The following FHL2 variants were observed in gnomAD, a reference collection of about 807,000 sequenced individuals.
The protein encoded by FHL2 is four and a half LIM domains protein 2.
In FHL2, 20 loss-of-function variants were observed where a neutral mutation model predicts 32.7. That is an observed-to-expected ratio of 0.61 (90% confidence interval 0.43 to 0.89). The LOEUF is 0.89. Among genes scored for constraint, FHL2 ranks in the 40% least tolerant of loss-of-function variants. FHL2 has a pLI of 0.00. For missense variants in FHL2, 311 were observed against 358.6 expected, an observed-to-expected ratio of 0.87 and a Z score of 1.07; for synonymous variants, 123 against 128.1, an observed-to-expected ratio of 0.96 and a Z score of 0.27.
In FHL2 at chr2:105,367,661, C is replaced by T; in HGVS notation, c.410G>A (p.Gly137Glu). The T allele has an allele frequency of 6.2e-7, 1 of 1,614,168 alleles. No homozygotes were observed. The highest frequency in any genetic ancestry group is 8.5e-7 in the Non-Finnish European group (1 of 1,180,038). Residue 137 changes from glycine to glutamate, a missense_variant, in exon 5 of 7, where the codon GGA becomes GAA. Gly to Glu is a moderately conservative substitution (Grantham distance 98). Transcript: ENST00000530340. ...GTCTTTGGGGATGAAACTCTTGGTT[C>T]CAATTGGCTGCTGGCAGCGGTGGCA... ...FICHRCQQPI[G>E]TKSFIPKDNQ... is the part of the protein sequence containing the mutation.
intron 1 of FHL2, among the ~76,000 whole-genome samples, chr2:105,397,885 T>G (rs1215302715): frequency 2.9e-5 from 2 of 68,500 alleles, no homozygotes; most frequent in Admixed American, 1.6e-4. Flanking sequence ...TTTTTTGTTT[T>G]TTGTTTTTTT....
chr2:105,393,247 C>T (rs1682863871), intron 2 of FHL2, among the ~76,000 whole-genome samples: 2 of 152,158 alleles, frequency 1.3e-5, no homozygotes, highest in African/African-American at 2.4e-5. Flanking sequence ...GTGCTTCTCC[C>T]TATCAACCCT....
At chr2:105,426,509 C>T (rs929467082) in intron 1 of FHL2, among the ~76,000 whole-genome samples, 2 of 152,178 alleles carry the variant, frequency 1.3e-5, no homozygotes, top group African/African-American at 4.8e-5. Flanking sequence ...TCGCTCTCTT[C>T]TGCTCTGCAC....
chr2:105,411,838 A>T (rs1683802383), intron 1 of FHL2, among the ~76,000 whole-genome samples: 1 of 151,938 alleles, frequency 6.6e-6, no homozygotes, highest in Non-Finnish European at 1.5e-5. Context: ...AAAAAAGTTC[A>T]CATGGCATCC....
intron 1 of FHL2, among the ~76,000 whole-genome samples, chr2:105,434,259 T>C (rs1684521358): frequency 6.6e-6 from 1 of 152,234 alleles, no homozygotes; most frequent in Non-Finnish European, 1.5e-5. Flanking sequence ...TAATGCCAAC[T>C]GGATCGGAAA....
chr2:105,382,131 T>G (rs1215903313), intron 3 of FHL2, among the ~76,000 whole-genome samples: 2 of 152,248 alleles, frequency 1.3e-5, no homozygotes, highest in Non-Finnish European at 2.9e-5. Flanking sequence ...ACTGAGACTT[T>G]TACAGCCAAT....
intron 1 of FHL2, among the ~76,000 whole-genome samples, chr2:105,406,847 ACTCC>A (rs1683646419): frequency 6.6e-6 from 1 of 151,342 alleles, no homozygotes; most frequent in Non-Finnish European, 1.5e-5. Context: ...GACTGCTGGA[ACTCC>A]CTTCCTCACT....
chr2:105,391,264 G>A (rs1682710367), intron 2 of FHL2, among the ~76,000 whole-genome samples: 1 of 152,168 alleles, frequency 6.6e-6, no homozygotes, highest in Non-Finnish European at 1.5e-5. Context: ...CCCCTCAAGG[G>A]ACTTGTTATC....
intron 3 of FHL2, among the ~76,000 whole-genome samples, chr2:105,379,586 T>C (rs981579449): frequency 2.6e-5 from 4 of 152,166 alleles, no homozygotes; most frequent in African/African-American, 7.2e-5. Flanking sequence ...TCTCCAACAT[T>C]CCCACTGCCC....
At chr2:105,400,062 G>A (rs1683407816), upstream of FHL2, among the ~76,000 whole-genome samples, 1 of 152,112 alleles carries the variant, frequency 6.6e-6, no homozygotes. Flanking sequence ...GAATAAAGGG[G>A]CTTCATCACC....
At chr2:105,373,441 A>G in intron 4 of FHL2, 118 bp downstream of exon 4, 1 of 1,089,778 alleles carries the variant, frequency 9.2e-7, no homozygotes, top group Non-Finnish European at 1.4e-6. Context: ...GTTCAAGGTC[A>G]AACTGGAAAG....
Position 105,434,109 on chromosome 2 carries a change from C to T in FHL2, c.-25+4290G>A, listed in dbSNP as rs546935872. Among the ~76,000 whole-genome samples the T allele has an allele frequency of 3.3e-5, 5 of 152,350 alleles. No individual in the cohort carries two copies. In the South Asian group the frequency reaches 1.0e-3, roughly 32 times the overall value. On this transcript the variant is annotated intron_variant, in intron 1 of 5. Coordinates refer to the FHL2 transcript ENST00000393352. The stretch of plus-strand genomic sequence containing the variant: ...TCTCCTTTCCTTGAGGCACCACGTC[C>T]CTTTCTCTGCAAACTTTATCCCAAG...
chr2:105,407,725 A>G (rs1407040714), intron 1 of FHL2, among the ~76,000 whole-genome samples: 1 of 152,116 alleles, frequency 6.6e-6, no homozygotes, highest in Non-Finnish European at 1.5e-5. Context: ...CGTTCTTGGG[A>G]TGGTGCTTCT....
chr2:105,409,067 A>G (rs915357031), intron 1 of FHL2, among the ~76,000 whole-genome samples: 9 of 152,182 alleles, frequency 5.9e-5, no homozygotes, highest in African/African-American at 2.2e-4. Context: ...TGTGGCCCAA[A>G]GAAGGAGAAA....
At chr2:105,436,358 A>G (rs1684611248) in intron 1 of FHL2, among the ~76,000 whole-genome samples, 1 of 152,196 alleles carries the variant, frequency 6.6e-6, no homozygotes, top group African/African-American at 2.4e-5. Context: ...ATATTCTAAT[A>G]AAATGTCTTA....
chr2:105,364,919 C>T (rs1330293894), intron 5 of FHL2, among the ~76,000 whole-genome samples: 2 of 152,144 alleles, frequency 1.3e-5, no homozygotes, highest in South Asian at 2.1e-4. Context: ...TTCATTAAAC[C>T]ATAAATCATG....
intron 1 of FHL2, among the ~76,000 whole-genome samples, chr2:105,413,918 A>C (rs1683863347): frequency 6.6e-6 from 1 of 152,116 alleles, no homozygotes; most frequent in African/African-American, 2.4e-5. Context: ...CCTCAAATTC[A>C]ATTCTGACAC....
intron 4 of FHL2, among the ~76,000 whole-genome samples, chr2:105,371,680 G>A (rs1681083598): frequency 6.6e-6 from 1 of 152,044 alleles, no homozygotes; most frequent in Admixed American, 6.6e-5. Flanking sequence ...TCAAAATCCG[G>A]GAAATATGCA....
At chr2:105,383,434 T>C (rs772804613) in intron 3 of FHL2, among the ~76,000 whole-genome samples, 20 of 152,334 alleles carry the variant, frequency 1.3e-4, no homozygotes, top group Admixed American at 5.9e-4. Flanking sequence ...AGTAACTTAA[T>C]AGAAATAAAG....
Sources: gnomAD v4.1 joint callset for allele counts (sites outside exome capture counted in the v4.1 genomes callset) on GRCh38, gnomAD v4.1.1 for gene constraint, MANE v1.5 for transcripts, NCBI Gene and HGNC (gene_info 2026-07-23, HGNC 2026-07-21) for gene names.